The following RXRG variants were observed in gnomAD, a reference collection of about 807,000 sequenced individuals.
The protein encoded by RXRG is retinoic acid receptor RXR-gamma.
A neutral mutation model predicts 49.2 loss-of-function variants in RXRG; 19 were observed. That is an observed-to-expected ratio of 0.39 (90% confidence interval 0.27 to 0.57). The LOEUF (loss-of-function observed/expected upper bound fraction) is 0.57, where lower values mean the gene tolerates loss of function less well. Among genes scored for constraint, RXRG ranks in the 20% least tolerant of loss-of-function variants. RXRG has a pLI of 0.64. For missense variants in RXRG, 452 were observed against 592.5 expected, an observed-to-expected ratio of 0.76 and a Z score of 2.46; for synonymous variants, 224 against 216.6, an observed-to-expected ratio of 1.03 and a Z score of -0.30.
intron 2 of RXRG, among the ~76,000 whole-genome samples, chr1:165,420,802 A>T (rs192854350): frequency 3.1e-4 from 47 of 152,346 alleles, no homozygotes; most frequent in Non-Finnish European, 4.0e-4. Flanking sequence ...ATAGAAACCC[A>T]GAAGGTATAT....
chr1:165,435,165 T>G (rs1191304925), intron 1 of RXRG, among the ~76,000 whole-genome samples: 1 of 152,214 alleles, frequency 6.6e-6, no homozygotes, highest in Non-Finnish European at 1.5e-5. Flanking sequence ...AAGCACATAA[T>G]GTAAACATCA....
chr1:165,432,607 T>C (rs1417132241), intron 1 of RXRG, among the ~76,000 whole-genome samples: 2 of 152,198 alleles, frequency 1.3e-5, no homozygotes, highest in African/African-American at 4.8e-5. Context: ...CACAGCCCCA[T>C]GGAAACTGCA....
chr1:165,408,729 G>A (rs1019062157), intron 7 of RXRG, among the ~76,000 whole-genome samples: 2 of 152,156 alleles, frequency 1.3e-5, no homozygotes, highest in African/African-American at 4.8e-5. Flanking sequence ...AGAAAGGTCC[G>A]GTTACCACGA....
chr1:165,441,785 C>T (rs922115545), intron 1 of RXRG, among the ~76,000 whole-genome samples: 3 of 152,154 alleles, frequency 2.0e-5, no homozygotes, highest in African/African-American at 7.2e-5. Context: ...TGTCTCATCC[C>T]AGAAAAACAA....
chr1:165,406,897 G>T lies in RXRG; in HGVS notation c.1159C>A (p.Pro387Thr). ...FNPDAKGLSNPSEVETLREKV... is the reference protein window; with the variant it reads ...FNPDAKGLSNTSEVETLREKV... ...TCTCGCAGAGTCTCCACCTCAGAGG[G>T]GTTGGACAGGCCCTTGGCATCTAAA... The change falls in exon 9 of 10, where the codon CCC becomes ACC. Residue 387 changes from proline to threonine, a missense_variant. Coordinates refer to ENST00000359842, the MANE Select transcript of RXRG (RefSeq NM_006917.5). 6.2e-7 allele frequency: 1 copy of T among 1,613,702 alleles called. No individual in the cohort carries two copies. Among genetic ancestry groups the T allele is most frequent in the Non-Finnish European group, 8.5e-7 (1 of 1,179,784 alleles).
intron 4 of RXRG, among the ~76,000 whole-genome samples, chr1:165,415,461 G>T (rs139644817): frequency 2.6e-3 from 391 of 152,308 alleles, no homozygotes; most frequent in African/African-American, 8.9e-3. Context: ...TGGCTACTGT[G>T]CTAAGAAGAG....
intron 4 of RXRG, among the ~76,000 whole-genome samples, chr1:165,411,821 T>A (rs1029017507): frequency 1.3e-5 from 2 of 152,200 alleles, no homozygotes; most frequent in African/African-American, 4.8e-5. Context: ...ACCCTCCATG[T>A]CTATACATTA....
At chr1:165,411,316 A>G (rs1369235366) in intron 4 of RXRG, among the ~76,000 whole-genome samples, 2 of 152,178 alleles carry the variant, frequency 1.3e-5, no homozygotes, top group Admixed American at 6.5e-5. Context: ...TCTTTAGTGC[A>G]TATTCTTTCC....
intron 4 of RXRG, among the ~76,000 whole-genome samples, chr1:165,413,359 C>G (rs566348739): frequency 6.6e-6 from 1 of 152,326 alleles, no homozygotes; most frequent in South Asian, 2.1e-4. Flanking sequence ...TTATGAAGCT[C>G]TTTCTCTGTG....
chr1:165,407,148 C>T (rs79768498), intron 8 of RXRG, among the ~76,000 whole-genome samples: 1 of 152,302 alleles, frequency 6.6e-6, no homozygotes, highest in Non-Finnish European at 1.5e-5. Context: ...ATGTACCCAC[C>T]ACTGACTCTA....
At chr1:165,406,780 C>T (rs1657765534) in intron 9 of RXRG, 32 bp downstream of exon 9, 1 of 1,484,754 alleles carries the variant, frequency 6.7e-7, no homozygotes, top group Non-Finnish European at 9.4e-7. Context: ...GTAGTTGCTG[C>T]TGTTACTACG....
In RXRG at chr1:165,401,156, G is replaced by A. The variant is rs1657551284; in HGVS notation, c.*107C>T. On this transcript the variant is annotated 3_prime_UTR_variant, in exon 10 of 10. Transcript: ENST00000359842. Reference sequence around the variant, plus strand: ...TCTTTATTATAAGCATCACATTTTGGGGACAGGAAGGGGGTCAGGGTGGGA... The same window carrying A: ...TCTTTATTATAAGCATCACATTTTGAGGACAGGAAGGGGGTCAGGGTGGGA... The A allele has an allele frequency of 9.0e-6, 9 of 999,842 alleles. No individual in the cohort carries two copies. The highest frequency in any genetic ancestry group is 1.3e-5 in the Non-Finnish European group (9 of 667,204). The allele number at this position is 999,842 out of a possible 1,614,324, so 61.9% of individuals were successfully genotyped here.
chr1:165,422,184 C>A (rs936262862), intron 2 of RXRG, among the ~76,000 whole-genome samples: 1 of 152,214 alleles, frequency 6.6e-6, no homozygotes. Flanking sequence ...GCAGCAACCA[C>A]GGATAGTAAT....
intron 8 of RXRG, among the ~76,000 whole-genome samples, chr1:165,407,893 CTT>C (rs1298424967): frequency 6.6e-6 from 1 of 151,598 alleles, no homozygotes; most frequent in African/African-American, 2.4e-5. Flanking sequence ...TAACTCCTTT[CTT>C]TCTTTCTCAT....
intron 2 of RXRG, among the ~76,000 whole-genome samples, chr1:165,421,309 A>G (rs753893437): frequency 4.1e-4 from 63 of 152,238 alleles, no homozygotes; most frequent in Admixed American, 1.6e-3. Flanking sequence ...ATAATAAATG[A>G]CAACACATAT....
chr1:165,412,378 G>A (rs1657982453), intron 4 of RXRG, among the ~76,000 whole-genome samples: 1 of 152,006 alleles, frequency 6.6e-6, no homozygotes, highest in Non-Finnish European at 1.5e-5. Context: ...AACAAAACAG[G>A]GTGAGAAAAA....
At chr1:165,444,724 T>TA (rs1659105197) in intron 1 of RXRG, 121 bp downstream of exon 1, 3 of 858,964 alleles carry the variant, frequency 3.5e-6, no homozygotes, top group Non-Finnish European at 5.8e-6. Flanking sequence ...ACACACTATA[T>TA]ATGCATATAA....
chr1:165,421,620 C>A (rs940233432), intron 2 of RXRG, among the ~76,000 whole-genome samples: 1 of 151,862 alleles, frequency 6.6e-6, no homozygotes, highest in East Asian at 1.9e-4. Context: ...AACTTCACCT[C>A]CCTGGTTCAA....
In RXRG at chr1:165,421,485, T is replaced by C. The variant is rs767648524; in HGVS notation, c.298-1471A>G. Among the ~76,000 whole-genome samples the C allele has an allele frequency of 4.9e-4, 75 of 151,908 alleles. 1 individual carries two copies. The highest frequency in any genetic ancestry group is 7.2e-4 in the Non-Finnish European group (49 of 67,988). The stretch of plus-strand genomic sequence containing the variant: ...CATGGACCTCATCCATGTCTTGAGA[T>C]TATGATTCCATGAGTCTGAGGTAGG... On this transcript the variant is annotated intron_variant, in intron 2 of 9. Coordinates refer to ENST00000359842, the MANE Select transcript of RXRG (RefSeq NM_006917.5).
Sources: gnomAD v4.1 joint callset for allele counts (sites outside exome capture counted in the v4.1 genomes callset) on GRCh38, gnomAD v4.1.1 for gene constraint, MANE v1.5 for transcripts, NCBI Gene and HGNC (gene_info 2026-07-23, HGNC 2026-07-21) for gene names.